Variants in ATRNL1 observed in about 807,000 individuals in gnomAD.
ATRNL1 encodes attractin like 1.
ATRNL1 carries 95 observed loss-of-function variants against 182.7 expected under a neutral mutation model. The ratio of observed to expected loss-of-function variants is 0.52; its 90% CI spans 0.44 to 0.62. ATRNL1 has a LOEUF of 0.62. ATRNL1 is among the 20% of genes least tolerant of loss of function. ATRNL1 has a pLI of 0.00. For synonymous variants in ATRNL1, 576 were observed against 568.3 expected (o/e 1.01, Z -0.19); for missense variants, 1,471 against 1,679.5 (o/e 0.88, Z 2.17).
At chr10:115,128,865 A>T (rs777655343) in intron 4 of ATRNL1, among the ~76,000 whole-genome samples, 4 of 151,440 alleles carry the variant, frequency 2.6e-5, no homozygotes, top group Non-Finnish European at 5.9e-5. Flanking sequence ...GCTAAATATG[A>T]TAAACATACC....
Position 115,917,616 on chromosome 10 carries a change from G to A in ATRNL1, c.4019-27042G>A, listed in dbSNP as rs572420673. ...TTTGTTTGTGTTGTTTTCAACGAGA[G>A]AGGTTATTTAAATGGATAACATCCT... On this transcript the variant is annotated intron_variant, in intron 28 of 28. Transcript: ENST00000355044. 1.4e-4 allele frequency among the ~76,000 whole-genome samples: 22 copies of A among 152,248 alleles called. No homozygotes were observed. The East Asian group carries it at 3.9e-3, about 27-fold the overall frequency.
chr10:115,789,600 A>G (rs1949478271), intron 27 of ATRNL1, among the ~76,000 whole-genome samples: 2 of 152,182 alleles, frequency 1.3e-5, no homozygotes, highest in Non-Finnish European at 2.9e-5. Flanking sequence ...AAGAATAGAG[A>G]AAATACGCCA....
chr10:115,850,445 G>A (rs112951811), intron 28 of ATRNL1, among the ~76,000 whole-genome samples: 17 of 152,094 alleles, frequency 1.1e-4, no homozygotes, highest in Admixed American at 2.6e-4. Flanking sequence ...TTCAGTGCTC[G>A]TCCAAATATT....
At chr10:115,695,009 A>C (rs921469635) in intron 26 of ATRNL1, among the ~76,000 whole-genome samples, 16 of 151,948 alleles carry the variant, frequency 1.1e-4, no homozygotes, top group Non-Finnish European at 1.2e-4. Context: ...AAAGGGGTTG[A>C]GAAACATGGT....
chr10:115,369,225 G>A (rs1190724959), intron 19 of ATRNL1, among the ~76,000 whole-genome samples: 3 of 150,836 alleles, frequency 2.0e-5, no homozygotes, highest in African/African-American at 7.3e-5. Flanking sequence ...GAAAATATGG[G>A]GGATGGAGGA....
chr10:115,745,748 G>C (rs1948273838), intron 27 of ATRNL1, among the ~76,000 whole-genome samples: 1 of 152,064 alleles, frequency 6.6e-6, no homozygotes, highest in African/African-American at 2.4e-5. Context: ...CCCAAAATTT[G>C]GTTTTGAAGA....
chr10:115,444,022 G>C (rs1846836144), intron 21 of ATRNL1, among the ~76,000 whole-genome samples: 1 of 151,906 alleles, frequency 6.6e-6, no homozygotes, highest in Non-Finnish European at 1.5e-5. Context: ...AGATCAAGCA[G>C]ACAAAATTCA....
chr10:115,891,912 A>C (rs1297035564), intron 28 of ATRNL1, among the ~76,000 whole-genome samples: 1 of 152,190 alleles, frequency 6.6e-6, no homozygotes, highest in Admixed American at 6.5e-5. Flanking sequence ...TTGTTAATTC[A>C]GTTCATCAAT....
chr10:115,093,418 G>GGTCAGGTCCCCTCCTCCTC lies in ATRNL1; in HGVS notation c.-333_-332insGTCAGGTCCCCTCCTCCTC, dbSNP rs2084925832. 1.0e-5 allele frequency: 3 copies of GGTCAGGTCCCCTCCTCCTC among 294,496 alleles called. No individual in the cohort carries two copies. The highest frequency in any genetic ancestry group is 1.9e-5 in the Non-Finnish European group (3 of 159,088). 18.2% of individuals were successfully genotyped at this position (294,496 alleles called of 1,614,324 possible). ...GCCGCGCGCGGGGTCCCCTCCTCCTGCCGGTCAGGTCCCCTCAGGAGCGCC... is the reference window on the plus strand; with the variant it reads ...GCCGCGCGCGGGGTCCCCTCCTCCTGGTCAGGTCCCCTCCTCCTCCCGGTCAGGTCCCCTCAGGAGCGCC... On this transcript the variant is annotated 5_prime_UTR_variant, in exon 1 of 29. Transcript: ENST00000355044. The surrounding 1 kb of genome is among the most constrained non-coding windows in gnomAD (Gnocchi z 6.1).
intron 8 of ATRNL1, among the ~76,000 whole-genome samples, chr10:115,183,966 G>A (rs904901047): frequency 3.3e-5 from 5 of 151,334 alleles, no homozygotes. Flanking sequence ...CTTAATGTGT[G>A]TTGAGTTTTA....
intron 26 of ATRNL1, among the ~76,000 whole-genome samples, chr10:115,612,724 G>T (rs1049061260): frequency 6.6e-6 from 1 of 152,198 alleles, no homozygotes; most frequent in Non-Finnish European, 1.5e-5. Flanking sequence ...ATATGTGCAA[G>T]TAAGAGACTT....
Position 115,587,481 on chromosome 10 carries a change from G to A in ATRNL1, c.3795+37945G>A, listed in dbSNP as rs532548375. Among the ~76,000 whole-genome samples the A allele has an allele frequency of 6.7e-3, 1,021 of 151,768 alleles. 8 individuals carry two copies. Among genetic ancestry groups the A allele is most frequent in the Non-Finnish European group, 0.011 (727 of 67,888 alleles). On this transcript the variant is annotated intron_variant, in intron 26 of 28. Coordinates refer to ENST00000355044, the MANE Select transcript of ATRNL1 (RefSeq NM_207303.4). ...TCGTGGTGTGCCGTTGTTTTAGCCC[G>A]TCGGAAAAGCGCAGTATTCAGGTGG...
At chr10:115,630,978 A>G (rs1303786985) in intron 26 of ATRNL1, among the ~76,000 whole-genome samples, 2 of 151,566 alleles carry the variant, frequency 1.3e-5, no homozygotes, top group East Asian at 3.9e-4. Context: ...CACCAAAGAA[A>G]AATATTGCAG....
At chr10:115,538,764 C>G (rs922606395) in intron 25 of ATRNL1, among the ~76,000 whole-genome samples, 5 of 152,082 alleles carry the variant, frequency 3.3e-5, no homozygotes, top group Admixed American at 6.5e-5. Flanking sequence ...TATCCAAGGA[C>G]TCTCCCTAAC....
intron 13 of ATRNL1, among the ~76,000 whole-genome samples, chr10:115,279,580 G>T (rs1365176312): frequency 7.9e-5 from 12 of 152,152 alleles, no homozygotes; most frequent in African/African-American, 2.9e-4. Context: ...TGTTTGATGG[G>T]CAACTGTAGC....
intron 9 of ATRNL1, among the ~76,000 whole-genome samples, chr10:115,229,589 C>T (rs1849840456): frequency 6.6e-6 from 1 of 151,804 alleles, no homozygotes; most frequent in African/African-American, 2.4e-5. Flanking sequence ...AATATATACG[C>T]ACACAAGCAC....
intron 7 of ATRNL1, 105 bp downstream of exon 7, chr10:115,165,750 C>T (rs1847010553): frequency 3.9e-6 from 2 of 511,468 alleles, no homozygotes; most frequent in Admixed American, 3.5e-5. Context: ...TTAATGAGAA[C>T]AATAGATTAT....
At chr10:115,941,964 C>G (rs1446000269) in intron 28 of ATRNL1, among the ~76,000 whole-genome samples, 2 of 152,184 alleles carry the variant, frequency 1.3e-5, no homozygotes, top group Non-Finnish European at 2.9e-5. Context: ...CTTGTAATAA[C>G]TCTAAAACAT....
chr10:115,535,351 ATTCAT>A (rs1851909400), intron 25 of ATRNL1, among the ~76,000 whole-genome samples: 1 of 151,578 alleles, frequency 6.6e-6, no homozygotes, highest in Non-Finnish European at 1.5e-5. Flanking sequence ...GCTTCATTTC[ATTCAT>A]TTCATCTTCC....
Sources: allele counts gnomAD v4.1 joint callset (sites outside exome capture counted in the v4.1 genomes callset), GRCh38; gene constraint gnomAD v4.1.1; non-coding constraint Gnocchi (gnomAD v3.1); transcripts MANE v1.5; gene names NCBI Gene and HGNC (gene_info 2026-07-23, HGNC 2026-07-21).